The following MARCHF10 variants were observed in gnomAD, a reference collection of about 807,000 sequenced individuals.
The protein encoded by MARCHF10 is membrane associated ring-CH-type finger 10.
In MARCHF10, 64 loss-of-function variants were observed where a neutral mutation model predicts 76.2. The ratio of observed to expected loss-of-function variants is 0.84; its 90% CI spans 0.69 to 1.03. The LOEUF (loss-of-function observed/expected upper bound fraction) is 1.03, where lower values mean the gene tolerates loss of function less well. Among genes scored for constraint, MARCHF10 ranks in the 50% least tolerant of loss-of-function variants. The pLI is 0.00. For synonymous variants in MARCHF10, 340 were observed against 357.5 expected (o/e 0.95, Z 0.55); for missense variants, 875 against 958.0 (o/e 0.91, Z 1.14).
At chr17:62,773,533 G>A (rs2092487226) in intron 3 of MARCHF10, among the ~76,000 whole-genome samples, 1 of 152,148 alleles carries the variant, frequency 6.6e-6, no homozygotes, top group South Asian at 2.1e-4. Context: ...AGGAAGGGCT[G>A]TTCTGTTCTT....
At position 62,770,715 on chromosome 17, in the gene MARCHF10, AT is replaced by A. The variant is rs1193392137; in HGVS notation, c.211-10710del. On this transcript the variant is annotated intron_variant, in intron 3 of 10. Transcript: ENST00000311269. ...ACCACCACACCCAGCTAATTTTTGT[AT>A]TTTTAGTAGAGACAGGGTTTCACTA... 6.6e-5 allele frequency among the ~76,000 whole-genome samples: 10 copies of A among 151,496 alleles called. No homozygotes were observed. The East Asian group carries it at 1.9e-3, about 29-fold the overall frequency.
intron 1 of MARCHF10, chr17:62,806,423 C>T (rs2093165342): frequency 6.6e-6 from 1 of 152,314 alleles, no homozygotes; most frequent in South Asian, 2.1e-4. Context: ...TCTCTTCTAT[C>T]GCTCACCTTT....
intron 2 of MARCHF10, among the ~76,000 whole-genome samples, chr17:62,795,756 G>A (rs1234242358): frequency 6.6e-6 from 1 of 152,198 alleles, no homozygotes; most frequent in Non-Finnish European, 1.5e-5. Flanking sequence ...CACACCAAAT[G>A]CAGATGATTT....
chr17:62,793,190 C>T, intron 2 of MARCHF10, among the ~76,000 whole-genome samples: 1 of 134,376 alleles, frequency 7.4e-6, no homozygotes, highest in Non-Finnish European at 1.7e-5. Flanking sequence ...ACCACCACCA[C>T]CTCCATCACC....
chr17:62,795,352 T>C (rs1229560947), intron 2 of MARCHF10, among the ~76,000 whole-genome samples: 5 of 104,724 alleles, frequency 4.8e-5, no homozygotes, highest in East Asian at 2.4e-4. Context: ...ATAAATCATT[T>C]GATCAAAAAA....
Position 62,727,209 on chromosome 17 carries a change from A to G in MARCHF10, c.1938-2105T>C, listed in dbSNP as rs553408902. On this transcript the variant is annotated intron_variant, in intron 6 of 10. Transcript: ENST00000311269. ...ATGGTTGATAAATATCTGACTCTTA[A>G]CTTAAGGTCCTCCATCTTCTCAAAG... Among the ~76,000 whole-genome samples the G allele has an allele frequency of 2.2e-4, 34 of 152,292 alleles. No homozygotes were observed. The South Asian group carries it at 6.6e-3, about 30-fold the overall frequency.
At chr17:62,787,152 T>A (rs1237939754) in intron 3 of MARCHF10, among the ~76,000 whole-genome samples, 9 of 152,204 alleles carry the variant, frequency 5.9e-5, no homozygotes, top group Non-Finnish European at 1.3e-4. Context: ...CTGCCAATAT[T>A]GTGAGATAGT....
intron 3 of MARCHF10, among the ~76,000 whole-genome samples, chr17:62,770,217 G>A (rs1302238113): frequency 6.6e-6 from 1 of 152,140 alleles, no homozygotes; most frequent in African/African-American, 2.4e-5. Flanking sequence ...TTTTATGACT[G>A]TGTAGTACTC....
Position 62,760,997 on chromosome 17 carries a change from C to A in MARCHF10, c.211-991G>T, listed in dbSNP as rs1249220527. 3.3e-5 allele frequency among the ~76,000 whole-genome samples: 5 copies of A among 152,196 alleles called. No homozygotes were observed. In the East Asian group the frequency reaches 5.8e-4, roughly 18 times the overall value. On this transcript the variant is annotated intron_variant, in intron 3 of 10. Transcript: ENST00000311269. ...CCCAACTGTTGCAATTTGTATTGAT[C>A]TTGCTCACCGTTCTCCCTGTCAGTT...
chr17:62,702,484 G>C (rs2089302488), intron 10 of MARCHF10, among the ~76,000 whole-genome samples: 1 of 152,004 alleles, frequency 6.6e-6, no homozygotes, highest in African/African-American at 2.4e-5. Flanking sequence ...GGCCAACATA[G>C]CAAAACCCCA....
chr17:62,705,638 G>C, intron 9 of MARCHF10, 57 bp from the exon 10 acceptor site: 4 of 1,600,718 alleles, frequency 2.5e-6, no homozygotes, highest in Non-Finnish European at 3.4e-6. Context: ...ATTGTGAACA[G>C]ATGTATAACC....
In MARCHF10 at chr17:62,761,260, C is replaced by T. The variant is rs550942607; in HGVS notation, c.211-1254G>A. ...AACAAATAATTCTTGTTTCTCCGCA[C>T]AATTTCAGAAAACAGACCACCCTCA... On this transcript the variant is annotated intron_variant, in intron 3 of 10. Transcript: ENST00000311269. Among the ~76,000 whole-genome samples the T allele has an allele frequency of 1.4e-4, 21 of 152,292 alleles. No individual in the cohort carries two copies. The East Asian group carries it at 1.5e-3, about 11-fold the overall frequency.
chr17:62,706,964 A>G (rs1051711123), intron 9 of MARCHF10, among the ~76,000 whole-genome samples: 1 of 152,170 alleles, frequency 6.6e-6, no homozygotes, highest in African/African-American at 2.4e-5. Flanking sequence ...TCTTCTCTGG[A>G]GATGCTCCCC....
chr17:62,734,355 G>C (rs1262911137), intron 6 of MARCHF10, among the ~76,000 whole-genome samples: 1 of 152,140 alleles, frequency 6.6e-6, no homozygotes, highest in African/African-American at 2.4e-5. Flanking sequence ...AGGGGCTCAG[G>C]AGGGCTCCAG....
chr17:62,775,794 C>G (rs1356410016), intron 3 of MARCHF10, among the ~76,000 whole-genome samples: 4 of 150,542 alleles, frequency 2.7e-5, no homozygotes, highest in African/African-American at 9.7e-5. Context: ...ATTTTGATAT[C>G]TGAATTTTAA....
chr17:62,719,435 T>G (rs2090375523), intron 8 of MARCHF10, among the ~76,000 whole-genome samples: 1 of 152,236 alleles, frequency 6.6e-6, no homozygotes. Context: ...GTTTTTTCTC[T>G]TAACACTGTA....
At chr17:62,777,123 CA>C (rs758408867) in intron 3 of MARCHF10, among the ~76,000 whole-genome samples, 8 of 152,214 alleles carry the variant, frequency 5.3e-5, no homozygotes, top group Non-Finnish European at 8.8e-5. Flanking sequence ...CTCTTGCCCA[CA>C]GTAAGGATCC....
intron 9 of MARCHF10, among the ~76,000 whole-genome samples, chr17:62,710,550 CTTTTTTTTTT>C (rs552647502): frequency 1.0e-4 from 9 of 88,620 alleles, no homozygotes; most frequent in South Asian, 7.6e-4. Flanking sequence ...TTGAACCCAG[CTTTTTTTTTT>C]TTTTTTTTTT....
At chr17:62,788,310 G>A (rs1489509335) in intron 3 of MARCHF10, among the ~76,000 whole-genome samples, 170 bp downstream of exon 3, 1 of 152,190 alleles carries the variant, frequency 6.6e-6, no homozygotes. Context: ...CAGGAAGGGA[G>A]TTCCCAGCCC....
Sources: gnomAD v4.1 joint callset for allele counts (sites outside exome capture counted in the v4.1 genomes callset) on GRCh38, gnomAD v4.1.1 for gene constraint, MANE v1.5 for transcripts, NCBI Gene and HGNC (gene_info 2026-07-23, HGNC 2026-07-21) for gene names.